Variants in PSTPIP2 observed in about 807,000 individuals in gnomAD.
PSTPIP2 encodes the protein proline-serine-threonine phosphatase interacting protein 2, also known as proline-serine-threonine phosphatase-interacting protein 2.
In PSTPIP2, 33 loss-of-function variants were observed where a neutral mutation model predicts 63.3. The observed-to-expected ratio is 0.52, with a 90% CI of 0.40 to 0.70. The LOEUF is 0.70. PSTPIP2 is among the 30% of genes least tolerant of loss of function. The pLI is 0.00. For missense variants in PSTPIP2, 312 were observed against 400.7 expected (o/e 0.78, Z 1.89); for synonymous variants, 125 against 132.7 (o/e 0.94, Z 0.40).
At chr18:46,071,409 G>A (rs1440108817) in intron 1 of PSTPIP2, among the ~76,000 whole-genome samples, 1 of 152,180 alleles carries the variant, frequency 6.6e-6, no homozygotes, top group East Asian at 1.9e-4. Context: ...AAGAGGACTA[G>A]ACAGAGGAGG....
intron 13 of PSTPIP2, among the ~76,000 whole-genome samples, chr18:45,990,334 T>C (rs939651875): frequency 1.3e-5 from 2 of 152,220 alleles, no homozygotes; most frequent in Admixed American, 1.3e-4. Flanking sequence ...TTGATTCTAT[T>C]TAATCCTTTC....
intron 1 of PSTPIP2, among the ~76,000 whole-genome samples, chr18:46,067,024 T>C (rs1909213502): frequency 3.4e-5 from 3 of 88,194 alleles, no homozygotes; most frequent in South Asian, 7.0e-4. Flanking sequence ...TGAAACTCCA[T>C]CTCAAAAAAA....
At chr18:46,068,958 C>G (rs1909294574) in intron 1 of PSTPIP2, among the ~76,000 whole-genome samples, 2 of 152,082 alleles carry the variant, frequency 1.3e-5, no homozygotes, top group Admixed American at 1.3e-4. Context: ...TCAGACAGCC[C>G]CAAGACTTTC....
At chr18:46,022,194 T>A (rs1178852945) in intron 3 of PSTPIP2, among the ~76,000 whole-genome samples, 1 of 152,216 alleles carries the variant, frequency 6.6e-6, no homozygotes, top group Non-Finnish European at 1.5e-5. Context: ...TAGGTTTATA[T>A]AACTATTAAT....
chr18:46,069,720 G>A (rs1313159706), intron 1 of PSTPIP2, among the ~76,000 whole-genome samples: 1 of 152,132 alleles, frequency 6.6e-6, no homozygotes, highest in Non-Finnish European at 1.5e-5. Flanking sequence ...GTACAAACAC[G>A]TTTGACCACA....
chr18:46,064,915 C>A (rs1417650916), intron 1 of PSTPIP2, among the ~76,000 whole-genome samples: 14 of 152,006 alleles, frequency 9.2e-5, no homozygotes, highest in South Asian at 2.1e-4. Flanking sequence ...GAGGCTGAGA[C>A]AGGCAGATCA....
At chr18:45,997,146 C>A (rs1425701268) in intron 9 of PSTPIP2, among the ~76,000 whole-genome samples, 1 of 152,122 alleles carries the variant, frequency 6.6e-6, no homozygotes, top group African/African-American at 2.4e-5. Flanking sequence ...GAAAACTATT[C>A]CAGTTCCTTC....
At chr18:46,010,379 T>C (rs904712435) in intron 5 of PSTPIP2, among the ~76,000 whole-genome samples, 1 of 152,198 alleles carries the variant, frequency 6.6e-6, no homozygotes, top group African/African-American at 2.4e-5. Flanking sequence ...TAGACATCTT[T>C]GGGTGCCAGA....
chr18:46,063,543 G>A (rs1403682267), intron 1 of PSTPIP2, among the ~76,000 whole-genome samples: 1 of 152,092 alleles, frequency 6.6e-6, no homozygotes, highest in Non-Finnish European at 1.5e-5. Flanking sequence ...AATGTCCAGT[G>A]CAAAAGCTTG....
At chr18:46,046,556 G>T (rs116252575) in intron 1 of PSTPIP2, among the ~76,000 whole-genome samples, 81 of 152,290 alleles carry the variant, frequency 5.3e-4, no homozygotes, top group African/African-American at 1.9e-3. Flanking sequence ...CCTTCCAAGT[G>T]ACTTGGAATG....
intron 10 of PSTPIP2, 62 bp from the exon 11 acceptor site, chr18:45,992,264 T>G: frequency 7.1e-7 from 1 of 1,399,060 alleles, no homozygotes. Context: ...CACAGCTCCT[T>G]AAAAACATGG....
intron 10 of PSTPIP2, among the ~76,000 whole-genome samples, chr18:45,993,378 AACC>A (rs1370042185): frequency 2.0e-5 from 3 of 152,198 alleles, no homozygotes; most frequent in African/African-American, 7.2e-5. Flanking sequence ...TACAGGAGTG[AACC>A]ACCGCTCCCA....
In PSTPIP2 at chr18:46,018,506, T is replaced by C. The variant is rs555802296; in HGVS notation, c.213-2569A>G. On this transcript the variant is annotated intron_variant, in intron 3 of 14. Coordinates refer to ENST00000409746, the MANE Select transcript of PSTPIP2 (RefSeq NM_024430.4). ...GCCTCAGCCTCCCGAGTAGCTGGGA[T>C]TACAGGTGCCCACCACCACGCCCAG... Among the ~76,000 whole-genome samples, 9 of 152,136 alleles carry C rather than the reference T, an allele frequency of 5.9e-5. No homozygotes were observed. The South Asian group carries it at 8.3e-4, about 14-fold the overall frequency.
At chr18:45,992,612 C>T (rs1029613917) in intron 10 of PSTPIP2, among the ~76,000 whole-genome samples, 6 of 151,834 alleles carry the variant, frequency 4.0e-5, no homozygotes, top group Non-Finnish European at 7.4e-5. Context: ...AGAGAGCTGA[C>T]TCTTCCAAAT....
intron 6 of PSTPIP2, among the ~76,000 whole-genome samples, chr18:46,000,318 G>A (rs560344071): frequency 3.9e-5 from 6 of 152,206 alleles, no homozygotes; most frequent in African/African-American, 9.6e-5. Context: ...GTGAACAGCC[G>A]GCAGGTTACC....
intron 1 of PSTPIP2, among the ~76,000 whole-genome samples, chr18:46,049,442 A>G (rs1489163467): frequency 6.6e-6 from 1 of 152,112 alleles, no homozygotes; most frequent in East Asian, 1.9e-4. Flanking sequence ...ACAAATCTGC[A>G]CTTGTATCCC....
At chr18:46,050,448 T>G (rs1908547602) in intron 1 of PSTPIP2, among the ~76,000 whole-genome samples, 1 of 152,100 alleles carries the variant, frequency 6.6e-6, no homozygotes, top group Non-Finnish European at 1.5e-5. Flanking sequence ...GGCATGCACC[T>G]GTGGTCCCAG....
At chr18:46,049,962 G>A (rs1303651490) in intron 1 of PSTPIP2, among the ~76,000 whole-genome samples, 3 of 151,996 alleles carry the variant, frequency 2.0e-5, no homozygotes, top group Admixed American at 2.0e-4. Context: ...AAAGAAAAAC[G>A]GTCAGTAAGC....
At chr18:46,028,356 T>A in intron 2 of PSTPIP2, 1 of 485,990 alleles carries the variant, frequency 2.1e-6, no homozygotes, top group South Asian at 1.7e-5. Context: ...CCCAAAAGGC[T>A]GCCGCTTCAT....
Sources: gnomAD v4.1 joint callset for allele counts (sites outside exome capture counted in the v4.1 genomes callset) on GRCh38, gnomAD v4.1.1 for gene constraint, MANE v1.5 for transcripts, NCBI Gene and HGNC (gene_info 2026-07-23, HGNC 2026-07-21) for gene names.